TSGA10: variants seen among roughly 807,000 people sequenced by gnomAD.
TSGA10 encodes the protein testis-specific gene 10 protein.
A neutral mutation model predicts 96.6 loss-of-function variants in TSGA10; 43 were observed. The ratio of observed to expected loss-of-function variants is 0.44; its 90% CI spans 0.35 to 0.57. The LOEUF (loss-of-function observed/expected upper bound fraction) is 0.57, where lower values mean the gene tolerates loss of function less well. TSGA10 is among the 20% of genes least tolerant of loss of function. TSGA10 has a pLI of 0.01. For synonymous variants in TSGA10, 229 were observed against 269.9 expected (o/e 0.85, Z 1.48); for missense variants, 703 against 834.4 (o/e 0.84, Z 1.94).
chr2:99,018,894 T>C (rs1225171172), intron 18 of TSGA10, among the ~76,000 whole-genome samples: 1 of 152,210 alleles, frequency 6.6e-6, no homozygotes, highest in Non-Finnish European at 1.5e-5. Flanking sequence ...TCAGCTTCCC[T>C]GTGGGAACAT....
intron 17 of TSGA10, among the ~76,000 whole-genome samples, chr2:99,027,966 G>T (rs911541865): frequency 1.3e-5 from 2 of 152,134 alleles, no homozygotes; most frequent in Admixed American, 6.6e-5. Flanking sequence ...TATTTGTCTG[G>T]ATTGTTTCTA....
At chr2:99,143,234 C>T (rs1356427153) in intron 1 of TSGA10, among the ~76,000 whole-genome samples, 15 of 146,936 alleles carry the variant, frequency 1.0e-4, no homozygotes, top group East Asian at 2.1e-4. Context: ...CTCCGCCTCC[C>T]GGGTTCATGC....
intron 10 of TSGA10, among the ~76,000 whole-genome samples, chr2:99,084,995 T>C (rs563665005): frequency 1.3e-5 from 2 of 151,986 alleles, no homozygotes; most frequent in African/African-American, 4.8e-5. Flanking sequence ...CTCATGTCTG[T>C]AATCCCAGCA....
chr2:99,015,911 C>T (rs2079478964), intron 20 of TSGA10, among the ~76,000 whole-genome samples: 1 of 151,912 alleles, frequency 6.6e-6, no homozygotes, highest in African/African-American at 2.4e-5. Context: ...AAAAAACAAA[C>T]AAACAAACAA....
chr2:99,087,629 A>C (rs902021789), intron 10 of TSGA10, among the ~76,000 whole-genome samples: 1 of 152,238 alleles, frequency 6.6e-6, no homozygotes, highest in African/African-American at 2.4e-5. Flanking sequence ...TTGAGGCTAC[A>C]GTGAGCTGTC....
rs556371421 is a variant in TSGA10 at position 99,070,867 on chromosome 2, A to C, written c.1107+839T>G. Among the ~76,000 whole-genome samples, 11 of 152,282 alleles carry C rather than the reference A, an allele frequency of 7.2e-5. No homozygotes were observed. The South Asian group carries it at 2.3e-3, about 32-fold the overall frequency. On this transcript the variant is annotated intron_variant, in intron 14 of 20. Coordinates refer to ENST00000393483, the MANE Select transcript of TSGA10 (RefSeq NM_025244.4). ...TTAGTATGGTGCATATGTCACAATT[A>C]ATAAGCCAATATTGACACATTATTA...
intron 10 of TSGA10, among the ~76,000 whole-genome samples, chr2:99,095,508 C>T (rs539016058): frequency 2.0e-5 from 3 of 151,956 alleles, no homozygotes; most frequent in Non-Finnish European, 4.4e-5. Context: ...TCTATTGAAA[C>T]AAGCCAGATA....
intron 1 of TSGA10, among the ~76,000 whole-genome samples, chr2:99,138,089 C>T (rs565269691): frequency 2.5e-4 from 38 of 152,216 alleles, no homozygotes; most frequent in African/African-American, 8.7e-4. Flanking sequence ...ATTTCTGTTG[C>T]TTATATGTTA....
chr2:99,093,763 A>C (rs1466555920), intron 10 of TSGA10, among the ~76,000 whole-genome samples: 2 of 152,182 alleles, frequency 1.3e-5, no homozygotes, highest in Non-Finnish European at 2.9e-5. Flanking sequence ...CGACACAAAC[A>C]AATGGAAACA....
intron 2 of TSGA10, among the ~76,000 whole-genome samples, chr2:99,119,384 C>A (rs1169637620): frequency 6.6e-6 from 1 of 152,096 alleles, no homozygotes; most frequent in African/African-American, 2.4e-5. Flanking sequence ...CCTTATGTTG[C>A]CTCATGACAC....
At chr2:99,077,853 C>T (rs2086913286) in intron 12 of TSGA10, among the ~76,000 whole-genome samples, 1 of 152,038 alleles carries the variant, frequency 6.6e-6, no homozygotes, top group Non-Finnish European at 1.5e-5. Context: ...TGAGCCACCG[C>T]ACCCGGCCTG....
intron 2 of TSGA10, among the ~76,000 whole-genome samples, chr2:99,123,381 T>A (rs148703162): frequency 0.011 from 1,629 of 152,242 alleles, 9 homozygotes; most frequent in Middle Eastern, 0.027. Flanking sequence ...CTATTCAAAT[T>A]TTTTTCCATC....
intron 1 of TSGA10, among the ~76,000 whole-genome samples, chr2:99,139,473 C>A (rs181663506): frequency 6.6e-6 from 1 of 152,122 alleles, no homozygotes; most frequent in East Asian, 1.9e-4. Flanking sequence ...AAATCTGGTT[C>A]CACAAAAGCT....
intron 1 of TSGA10, among the ~76,000 whole-genome samples, chr2:99,152,851 A>T (rs1262486657): frequency 6.6e-6 from 1 of 152,240 alleles, no homozygotes; most frequent in Non-Finnish European, 1.5e-5. Flanking sequence ...CTGGGGGGAA[A>T]GAGTGAGTTC....
At chr2:99,056,384 T>C (rs1356122557) in intron 16 of TSGA10, among the ~76,000 whole-genome samples, 2 of 152,184 alleles carry the variant, frequency 1.3e-5, no homozygotes, top group South Asian at 2.1e-4. Context: ...AGTAGTAATG[T>C]GACCTTACTG....
intron 20 of TSGA10, among the ~76,000 whole-genome samples, chr2:99,004,422 G>C (rs2104812589): frequency 6.6e-6 from 1 of 150,926 alleles, no homozygotes; most frequent in East Asian, 2.0e-4. Flanking sequence ...AATAGAAAAA[G>C]AGGGAATCCA....
At chr2:99,123,866 G>C (rs1463229761) in intron 2 of TSGA10, among the ~76,000 whole-genome samples, 1 of 152,144 alleles carries the variant, frequency 6.6e-6, no homozygotes, top group Non-Finnish European at 1.5e-5. Flanking sequence ...GCCATATTTT[G>C]TTTATCCATT....
At chr2:99,070,678 T>C (rs1165509757) in intron 14 of TSGA10, among the ~76,000 whole-genome samples, 1 of 152,182 alleles carries the variant, frequency 6.6e-6, no homozygotes, top group East Asian at 1.9e-4. Context: ...TTAGCCCATA[T>C]GCTCTAGCTG....
intron 12 of TSGA10, among the ~76,000 whole-genome samples, chr2:99,073,747 G>A (rs912772214): frequency 1.3e-4 from 20 of 152,014 alleles, no homozygotes; most frequent in African/African-American, 4.1e-4. Context: ...GGCAGAAATG[G>A]GTTTGAATAT....
Sources: allele counts gnomAD v4.1 joint callset (sites outside exome capture counted in the v4.1 genomes callset), GRCh38; gene constraint gnomAD v4.1.1; transcripts MANE v1.5; gene names NCBI Gene and HGNC (gene_info 2026-07-23, HGNC 2026-07-21).